Variants in RBFOX1 observed in about 807,000 individuals in gnomAD.
The protein encoded by RBFOX1 is RNA binding fox-1 homolog 1.
Under a neutral mutation model 57.7 loss-of-function variants are expected in RBFOX1, and 8 were observed. That is an observed-to-expected ratio of 0.14 (90% CI 0.08 to 0.25). The LOEUF (loss-of-function observed/expected upper bound fraction) is 0.25. RBFOX1 is among the 10% of genes least tolerant of loss of function. The probability of loss-of-function intolerance (pLI) is 1.00; values close to 1 mark genes in which losing one functional copy is unlikely to be tolerated. For synonymous variants in RBFOX1, 326 were observed against 222.4 expected, an observed-to-expected ratio of 1.47 and a Z score of -4.15; for missense variants, 611 against 548.5, an observed-to-expected ratio of 1.11 and a Z score of -1.14.
At chr16:6,367,593 T>C (rs1333863545) in intron 2 of RBFOX1, among the ~76,000 whole-genome samples, 1 of 152,116 alleles carries the variant, frequency 6.6e-6, no homozygotes, top group Non-Finnish European at 1.5e-5. Flanking sequence ...TCTTATGCAT[T>C]TGAAATCAGG....
chr16:7,680,457 C>G (rs930890495), intron 14 of RBFOX1, among the ~76,000 whole-genome samples: 4 of 152,126 alleles, frequency 2.6e-5, no homozygotes, highest in African/African-American at 9.7e-5. Flanking sequence ...TGTCCCTCCA[C>G]GTCAGGGCTG....
At chr16:7,223,420 A>T (rs1696674256) in intron 4 of RBFOX1, among the ~76,000 whole-genome samples, 1 of 152,236 alleles carries the variant, frequency 6.6e-6, no homozygotes, top group East Asian at 1.9e-4. Context: ...AAGATAAACC[A>T]AATCAAAATG....
chr16:7,476,529 C>T (rs560418390), intron 4 of RBFOX1, among the ~76,000 whole-genome samples: 1 of 152,170 alleles, frequency 6.6e-6, no homozygotes, highest in Non-Finnish European at 1.5e-5. Flanking sequence ...TCAGAAGATA[C>T]AAGAGGAAAA....
At chr16:5,663,821 A>G (rs141864736) in intron 3 of RBFOX1, among the ~76,000 whole-genome samples, 1 of 152,208 alleles carries the variant, frequency 6.6e-6, no homozygotes. Flanking sequence ...CGTCAAAGAC[A>G]TTCAAAAGGC....
At chr16:6,309,274 G>C (rs2079942263) in intron 1 of RBFOX1, among the ~76,000 whole-genome samples, 1 of 152,036 alleles carries the variant, frequency 6.6e-6, no homozygotes, top group East Asian at 1.9e-4. Context: ...GTTATCTCTG[G>C]CGGGTTCAAA....
At chr16:6,883,716 C>T (rs567425605) in intron 3 of RBFOX1, among the ~76,000 whole-genome samples, 1 of 152,036 alleles carries the variant, frequency 6.6e-6, no homozygotes, top group South Asian at 2.1e-4. Context: ...AAAATAGTTT[C>T]TAAGAATGAT....
At chr16:6,836,583 C>T (rs1233261370) in intron 3 of RBFOX1, among the ~76,000 whole-genome samples, 1 of 152,154 alleles carries the variant, frequency 6.6e-6, no homozygotes, top group South Asian at 2.1e-4. Context: ...GAAATCAAAT[C>T]ATCTTTCAAG....
chr16:7,127,105 G>A (rs1183806935), intron 4 of RBFOX1, among the ~76,000 whole-genome samples: 2 of 150,704 alleles, frequency 1.3e-5, no homozygotes, highest in African/African-American at 4.8e-5. Flanking sequence ...ACTGAGGGGA[G>A]CACTTCATGT....
chr16:5,541,282 A>G (rs1178917688), intron 2 of RBFOX1, among the ~76,000 whole-genome samples: 1 of 152,106 alleles, frequency 6.6e-6, no homozygotes, highest in Non-Finnish European at 1.5e-5. Flanking sequence ...GAACGCTGAA[A>G]ATCTGAGACA....
intron 3 of RBFOX1, among the ~76,000 whole-genome samples, chr16:6,781,765 A>G (rs1175062510): frequency 6.6e-6 from 1 of 152,036 alleles, no homozygotes; most frequent in East Asian, 1.9e-4. Flanking sequence ...TATCTGTTTT[A>G]ATATTTTCTT....
intron 2 of RBFOX1, among the ~76,000 whole-genome samples, chr16:6,498,311 T>C (rs547224483): frequency 7.9e-5 from 12 of 151,794 alleles, no homozygotes; most frequent in Non-Finnish European, 1.5e-4. Context: ...TTGATAAAAT[T>C]ACTGAGATAG....
chr16:6,750,858 A>T (rs1167342354), intron 3 of RBFOX1, among the ~76,000 whole-genome samples: 1 of 152,208 alleles, frequency 6.6e-6, no homozygotes, highest in Non-Finnish European at 1.5e-5. Context: ...TGAAACCAGG[A>T]AGCTGAAATA....
At chr16:7,576,057 C>G (rs1327497179) in intron 5 of RBFOX1, among the ~76,000 whole-genome samples, 2 of 151,860 alleles carry the variant, frequency 1.3e-5, no homozygotes, top group African/African-American at 4.8e-5. Context: ...CTCGGTCTCC[C>G]AAGTAGCTGG....
At chr16:6,674,151 A>G (rs1182524600) in intron 3 of RBFOX1, among the ~76,000 whole-genome samples, 2 of 152,258 alleles carry the variant, frequency 1.3e-5, no homozygotes, top group Admixed American at 6.5e-5. Context: ...TGTGGGTTGA[A>G]TAGAGTCCTC....
intron 3 of RBFOX1, among the ~76,000 whole-genome samples, chr16:6,808,573 T>C (rs1235847027): frequency 6.6e-6 from 1 of 152,166 alleles, no homozygotes; most frequent in Non-Finnish European, 1.5e-5. Flanking sequence ...GGGGAATAAC[T>C]GCCAAATTTA....
At chr16:7,533,683 G>A (rs556046132) in intron 5 of RBFOX1, among the ~76,000 whole-genome samples, 7 of 152,244 alleles carry the variant, frequency 4.6e-5, no homozygotes, top group African/African-American at 1.7e-4. Flanking sequence ...TGTACTGAAA[G>A]GAAAAACAGA....
intron 4 of RBFOX1, among the ~76,000 whole-genome samples, chr16:7,506,581 CAT>C (rs1334531818): frequency 7.5e-6 from 1 of 133,206 alleles, no homozygotes; most frequent in African/African-American, 3.0e-5. Context: ...CCATCACCTT[CAT>C]CATCATCATC....
chr16:6,483,376 C>T (rs1260014804), intron 2 of RBFOX1: 8 of 1,513,326 alleles, frequency 5.3e-6, no homozygotes, highest in African/African-American at 4.1e-5. Context: ...AGGCGCGCGG[C>T]GCGCACGACA....
chr16:6,227,585 C>T (rs990778391), intron 1 of RBFOX1, among the ~76,000 whole-genome samples: 1 of 151,064 alleles, frequency 6.6e-6, no homozygotes, highest in Admixed American at 6.6e-5. Flanking sequence ...CGCCCTTCTC[C>T]TTTCAGGCTT....
Sources: allele counts gnomAD v4.1 joint callset (sites outside exome capture counted in the v4.1 genomes callset), GRCh38; gene constraint gnomAD v4.1.1; transcripts MANE v1.5; gene names NCBI Gene and HGNC (gene_info 2026-07-23, HGNC 2026-07-21).